Variants in RNASEH1 observed in about 807,000 individuals in gnomAD.
RNASEH1 encodes the protein ribonuclease H1.
Under a neutral mutation model 34.6 loss-of-function variants are expected in RNASEH1, and 27 were observed. The ratio of observed to expected loss-of-function variants is 0.78; its 90% CI spans 0.58 to 1.08. The LOEUF (loss-of-function observed/expected upper bound fraction) is 1.08, where lower values mean the gene tolerates loss of function less well. Among genes scored for constraint, RNASEH1 ranks in the 50% least tolerant of loss-of-function variants. The pLI, the probability that RNASEH1 is intolerant of heterozygous loss-of-function variation, is 0.00. For missense variants in RNASEH1, 349 were observed against 373.6 expected (o/e 0.93, Z 0.54); for synonymous variants, 162 against 138.4 (o/e 1.17, Z -1.20).
At position 3,545,935 on chromosome 2, in the gene RNASEH1, T is replaced by C. The variant is rs184354483; in HGVS notation, c.775-64A>G. The C allele has an allele frequency of 1.9e-4, 226 of 1,194,154 alleles. 2 individuals carry two copies. The Admixed American group carries it at 3.2e-3, about 17-fold the overall frequency. The allele number at this position is 1,194,154 out of a possible 1,614,324, so 74.0% of individuals were successfully genotyped here. ...TTTACATAAGCAACACATGACTATATTGTCATCATAAAAAACCATTCAGAA... is the reference window on the plus strand; with the variant it reads ...TTTACATAAGCAACACATGACTATACTGTCATCATAAAAAACCATTCAGAA... On this transcript the variant is annotated intron_variant, in intron 7 of 7. Coordinates refer to ENST00000315212, the MANE Select transcript of RNASEH1 (RefSeq NM_002936.6).
Position 3,545,551 on chromosome 2 carries a change from C to T in RNASEH1, c.*234G>A, listed in dbSNP as rs1668665833. The T allele has an allele frequency of 3.6e-6, 2 of 548,850 alleles. No homozygotes were observed. Among genetic ancestry groups the T allele is most frequent in the Middle Eastern group, 4.8e-4 (1 of 2,070 alleles). 34.0% of individuals were successfully genotyped at this position (548,850 alleles called of 1,614,324 possible). On this transcript the variant is annotated 3_prime_UTR_variant, in exon 8 of 8. Transcript: ENST00000315212. ...CAAGGACAGTATTGAACCCAGTAAA[C>T]ATAATGTGGAAATCTCACATAATTC...
rs142084310 is a variant in RNASEH1, at chr2:3,550,461, C to T, written c.421G>A (p.Val141Ile). ...DTFSYMGDFVVVYTDGCCSSN... is the reference protein window; with the variant it reads ...DTFSYMGDFVIVYTDGCCSSN... ...GAGCAGCAGCCATCAGTGTAGACGA[C>T]GACGAAGTCTCCTGTGGGAAAAGGA... Residue 141 changes from valine (V) to isoleucine (I), a missense_variant, in exon 4 of 8, where the codon GTC (valine) becomes ATC (isoleucine). Val to Ile is a conservative substitution (Grantham distance 29). This residue lies in a region of RNASEH1 where 256 missense variants were observed against 240.7 expected (regional missense o/e 1.06). Coordinates refer to ENST00000315212, the MANE Select transcript of RNASEH1 (RefSeq NM_002936.6). 16 of 1,613,802 alleles carry T rather than the reference C, an allele frequency of 9.9e-6. No homozygotes were observed. Among genetic ancestry groups the T allele is most frequent in the East Asian group, 2.2e-5 (1 of 44,894 alleles).
chr2:3,543,458 C>CTGTGCACACATGTATGCACACA lies in RNASEH1; in HGVS notation c.*2305_*2326dup, dbSNP rs1373822652. Among the ~76,000 whole-genome samples the CTGTGCACACATGTATGCACACA allele has an allele frequency of 1.8e-4, 28 of 152,064 alleles. No homozygotes were observed. The highest frequency in any genetic ancestry group is 8.3e-4 in the South Asian group (4 of 4,826). ...AGCTATCAATGACTGTGCGTGTGGT[C>CTGTGCACACATGTATGCACACA]TGTGCACACATGTATGCACACATGT... On this transcript the variant is annotated 3_prime_UTR_variant, in exon 8 of 8. Coordinates refer to ENST00000315212, the MANE Select transcript of RNASEH1 (RefSeq NM_002936.6).
At position 3,542,125 on chromosome 2, in the gene RNASEH1, A is replaced by AT. The variant is rs1263754839; in HGVS notation, c.*3659dup. On this transcript the variant is annotated 3_prime_UTR_variant, in exon 8 of 8. Coordinates refer to ENST00000315212, the MANE Select transcript of RNASEH1 (RefSeq NM_002936.6). ...AGCCAATTTAGATTTCAACATACAG[A>AT]TAACAGGGATCCCCACAGAAAAAAG... Among the ~76,000 whole-genome samples the AT allele has an allele frequency of 6.6e-6, 1 of 152,210 alleles. No homozygotes were observed. Among genetic ancestry groups the AT allele is most frequent in the African/African-American group, 2.4e-5 (1 of 41,454 alleles).
At chr2:3,539,309 A>C (rs777556335), downstream of RNASEH1, among the ~76,000 whole-genome samples, 32 of 152,320 alleles carry the variant, frequency 2.1e-4, no homozygotes, top group Admixed American at 5.2e-4. Flanking sequence ...ACAGCGGTCC[A>C]CTTGCCCTGT....
the RNASEH1 span, chr2:3,532,161 C>T: frequency 3.0e-6 from 2 of 671,956 alleles, no homozygotes; most frequent in African/African-American, 1.8e-5. Context: ...TCCGTGTCAG[C>T]TAACACTTTG....
At chr2:3,538,676 T>A (rs953915329), downstream of RNASEH1, among the ~76,000 whole-genome samples, 2 of 152,180 alleles carry the variant, frequency 1.3e-5, no homozygotes, top group Non-Finnish European at 2.9e-5. Context: ...TAGTTTCCAG[T>A]TCTCTGATAT....
chr2:3,534,565 G>A, the RNASEH1 span, among the ~76,000 whole-genome samples: 18 of 152,358 alleles, frequency 1.2e-4, no homozygotes, highest in East Asian at 1.5e-3. Flanking sequence ...TCCAGACACC[G>A]GTGCCCAAGG....
chr2:3,532,675 T>C, the RNASEH1 span, among the ~76,000 whole-genome samples: 1 of 152,172 alleles, frequency 6.6e-6, no homozygotes, highest in Non-Finnish European at 1.5e-5. Context: ...AAAAACACGG[T>C]ATCATCATCT....
At chr2:3,556,646 G>A (rs1272109158) in intron 2 of RNASEH1, 143 bp downstream of exon 2, 2 of 618,026 alleles carry the variant, frequency 3.2e-6, no homozygotes, top group Non-Finnish European at 5.9e-6. Flanking sequence ...ACTGCTTTCA[G>A]TCTGTTCCCT....
chr2:3,537,139 G>A (rs974101953), downstream of RNASEH1, among the ~76,000 whole-genome samples: 1 of 152,172 alleles, frequency 6.6e-6, no homozygotes, highest in Admixed American at 6.5e-5. Flanking sequence ...AAAATGTTAG[G>A]TTAAAGCATG....
downstream of RNASEH1, chr2:3,536,873 C>T (rs1358603010): frequency 3.3e-5 from 5 of 152,288 alleles, no homozygotes; most frequent in African/African-American, 4.8e-5. Flanking sequence ...CTTCCTGGCT[C>T]GCAGAGGCTG....
At chr2:3,556,955 CT>C in intron 1 of RNASEH1, 51 bp from the exon 2 acceptor site, 3 of 1,337,916 alleles carry the variant, frequency 2.2e-6, no homozygotes, top group Non-Finnish European at 2.1e-6. Context: ...AACTTATCCC[CT>C]TTTTTATTGA....
In RNASEH1 at chr2:3,545,730, C is replaced by T. The variant is rs1188449344; in HGVS notation, c.*55G>A. 8.3e-7 allele frequency: 1 copy of T among 1,204,434 alleles called. No individual in the cohort carries two copies. The highest frequency in any genetic ancestry group is 1.2e-6 in the Non-Finnish European group (1 of 805,914). 74.6% of individuals were successfully genotyped at this position (1,204,434 alleles called of 1,614,324 possible). A position where few individuals can be genotyped will look rare whatever the true frequency, so the allele number is the denominator to read the frequency against. ...AGGCTATTTTCCACACCAGTAAGTA[C>T]AGGCAGCAAGACAGCCGCTGGCTCA... On this transcript the variant is annotated 3_prime_UTR_variant, in exon 8 of 8. Transcript: ENST00000315212.
intron 2 of RNASEH1, among the ~76,000 whole-genome samples, chr2:3,553,336 C>A (rs1307123601): frequency 6.6e-6 from 1 of 151,932 alleles, no homozygotes; most frequent in African/African-American, 2.4e-5. Context: ...TCTTTTGCAA[C>A]AAAGTTTTTC....
At position 3,549,086 on chromosome 2, in the gene RNASEH1, C is replaced by T. The variant is rs1259845820; in HGVS notation, c.536G>A (p.Arg179Gln). Reference sequence around the variant, plus strand: ...AATTTCCGCTCTTTGGTTTGTCTGCCGCCCAGGAAGTCTAATGCCTACATT... The same window carrying T: ...AATTTCCGCTCTTTGGTTTGTCTGCTGCCCAGGAAGTCTAATGCCTACATT... Reference protein sequence around the residue: ...PLNVGIRLPGRQTNQRAEIHA... With the variant: ...PLNVGIRLPGQQTNQRAEIHA... The change falls in exon 5 of 8, where the codon CGG (arginine) becomes CAG (glutamine). Residue 179 changes from arginine to glutamine, a missense_variant. Arg to Gln is a conservative substitution (Grantham distance 43, BLOSUM62 1). Coordinates refer to ENST00000315212, the MANE Select transcript of RNASEH1 (RefSeq NM_002936.6). The T allele has an allele frequency of 2.5e-6, 4 of 1,613,700 alleles. No individual in the cohort carries two copies. The highest frequency in any genetic ancestry group is 1.7e-5 in the Admixed American group (1 of 60,014).
intron 3 of RNASEH1, among the ~76,000 whole-genome samples, chr2:3,551,592 C>G (rs1042458454): frequency 6.6e-6 from 1 of 152,148 alleles, no homozygotes; most frequent in African/African-American, 2.4e-5. Flanking sequence ...TATAAATATA[C>G]TGATTTATAT....
At chr2:3,557,794 TG>T in intron 1 of RNASEH1, 1 of 1,079,324 alleles carries the variant, frequency 9.3e-7, no homozygotes, top group Non-Finnish European at 1.3e-6. Flanking sequence ...GAAAGTCTTC[TG>T]GTAACGGGGG....
chr2:3,550,049 G>C, intron 4 of RNASEH1: 2 of 266,850 alleles, frequency 7.5e-6, no homozygotes, highest in East Asian at 1.7e-4. Flanking sequence ...AGGCCAAGGT[G>C]GGAGGATCGC....
Sources: gnomAD v4.1 joint callset for allele counts (sites outside exome capture counted in the v4.1 genomes callset) on GRCh38, gnomAD v4.1.1 for gene constraint, gnomAD v4.1.1 regional missense constraint, MANE v1.5 for transcripts, NCBI Gene and HGNC (gene_info 2026-07-23, HGNC 2026-07-21) for gene names.